Variants in MAGI3 observed in about 807,000 individuals in gnomAD.
The protein encoded by MAGI3 is membrane-associated guanylate kinase, WW and PDZ domain-containing protein 3.
MAGI3 carries 43 observed loss-of-function variants against 121.8 expected under a neutral mutation model. The ratio of observed to expected loss-of-function variants is 0.35; its 90% CI spans 0.28 to 0.46. The LOEUF (loss-of-function observed/expected upper bound fraction) is 0.46, where lower values mean the gene tolerates loss of function less well. Among genes scored for constraint, MAGI3 ranks in the 20% least tolerant of loss-of-function variants. The probability of loss-of-function intolerance (pLI) is 1.00; values close to 1 mark genes in which losing one functional copy is unlikely to be tolerated. For missense variants in MAGI3, 1,547 were observed against 1,797.3 expected, an observed-to-expected ratio of 0.86 and a Z score of 2.52; for synonymous variants, 553 against 639.3, an observed-to-expected ratio of 0.86 and a Z score of 2.04.
chr1:113,540,395 A>C (rs1659232759), intron 1 of MAGI3, among the ~76,000 whole-genome samples: 1 of 152,156 alleles, frequency 6.6e-6, no homozygotes, highest in African/African-American at 2.4e-5. Flanking sequence ...TGGGGAGGAG[A>C]GATGAAAAGA....
At chr1:113,424,054 G>A (rs1393010296) in intron 1 of MAGI3, among the ~76,000 whole-genome samples, 1 of 152,186 alleles carries the variant, frequency 6.6e-6, no homozygotes. Flanking sequence ...AGGATACCCA[G>A]TCTGGAGCTG....
intron 1 of MAGI3, among the ~76,000 whole-genome samples, chr1:113,486,950 A>T (rs1445428889): frequency 6.6e-6 from 1 of 152,284 alleles, no homozygotes; most frequent in African/African-American, 2.4e-5. Flanking sequence ...GCCTCAAGCA[A>T]TACTCCTGCC....
intron 2 of MAGI3, among the ~76,000 whole-genome samples, chr1:113,562,702 G>A (rs867277021): frequency 1.3e-5 from 2 of 152,300 alleles, no homozygotes; most frequent in South Asian, 4.1e-4. Flanking sequence ...GCGGGTGGGA[G>A]GAAGGACAGC....
chr1:113,654,982 G>A (rs948329327), intron 15 of MAGI3, among the ~76,000 whole-genome samples: 3 of 152,122 alleles, frequency 2.0e-5, no homozygotes, highest in Admixed American at 6.6e-5. Context: ...AAAATTAATG[G>A]AAATGTATAA....
chr1:113,485,712 G>A (rs968681757), intron 1 of MAGI3, among the ~76,000 whole-genome samples: 4 of 152,058 alleles, frequency 2.6e-5, no homozygotes, highest in Non-Finnish European at 4.4e-5. Context: ...ATTTGCTTTC[G>A]GGTTCTTAGT....
At chr1:113,580,426 G>A (rs1398249087) in intron 2 of MAGI3, 116 bp from the exon 3 acceptor site, 13 of 811,742 alleles carry the variant, frequency 1.6e-5, no homozygotes, top group East Asian at 5.9e-5. Context: ...TAAAGTTGGG[G>A]CAGGGGAATG....
At chr1:113,679,310 G>A (rs1466840100) in intron 19 of MAGI3, among the ~76,000 whole-genome samples, 2 of 151,994 alleles carry the variant, frequency 1.3e-5, no homozygotes, top group African/African-American at 2.4e-5. Flanking sequence ...GTGTCCATGT[G>A]TACTCAGTGT....
chr1:113,547,226 A>C lies in MAGI3; in HGVS notation c.317-2289A>C, dbSNP rs192247806. 8.5e-5 allele frequency among the ~76,000 whole-genome samples: 13 copies of C among 152,238 alleles called. No homozygotes were observed. In the East Asian group the frequency reaches 2.5e-3, roughly 29 times the overall value. ...TTGTTATTTTATAGATTAAAATGCA[A>C]TCTGAGTTTTTAGCATTTTATAGTT... On this transcript the variant is annotated intron_variant, in intron 1 of 20. Transcript: ENST00000307546.
At chr1:113,534,716 G>C (rs998788955) in intron 1 of MAGI3, among the ~76,000 whole-genome samples, 4 of 152,142 alleles carry the variant, frequency 2.6e-5, no homozygotes, top group African/African-American at 9.7e-5. Context: ...GCCTAGCATA[G>C]TGCTTGGTAT....
At chr1:113,496,380 A>G (rs942947927) in intron 1 of MAGI3, among the ~76,000 whole-genome samples, 3 of 152,164 alleles carry the variant, frequency 2.0e-5, no homozygotes, top group Admixed American at 1.3e-4. Flanking sequence ...GGGAATGCCA[A>G]TTGATAGATG....
intron 2 of MAGI3, among the ~76,000 whole-genome samples, chr1:113,557,581 G>A (rs1183677860): frequency 2.0e-5 from 3 of 152,212 alleles, no homozygotes; most frequent in Admixed American, 6.5e-5. Flanking sequence ...TTCTCCCTGG[G>A]ACAGAGTGCC....
At position 113,685,638 on chromosome 1, in the gene MAGI3, AT is replaced by A. The variant is rs1240760842; in HGVS notation, c.*1626del. On this transcript the variant is annotated 3_prime_UTR_variant, in exon 21 of 21. Transcript: ENST00000307546. ...GAATTTAGTACCACAGAAATTATTTATTATTTTCCCTGTAGTCCACAATTAG... is the reference window on the plus strand; with the variant it reads ...GAATTTAGTACCACAGAAATTATTTATATTTTCCCTGTAGTCCACAATTAG... 11 of 152,452 alleles carry A rather than the reference AT, an allele frequency of 7.2e-5. No homozygotes were observed. The highest frequency in any genetic ancestry group is 2.6e-4 in the African/African-American group (11 of 41,574). 9.4% of individuals were successfully genotyped at this position (152,452 alleles called of 1,614,324 possible).
At chr1:113,568,245 T>C (rs1424134970) in intron 2 of MAGI3, among the ~76,000 whole-genome samples, 1 of 152,062 alleles carries the variant, frequency 6.6e-6, no homozygotes, top group Non-Finnish European at 1.5e-5. Flanking sequence ...TGAAAGTTTA[T>C]GAAAATATTA....
Position 113,481,946 on chromosome 1 carries a change from T to G in MAGI3, c.317-67569T>G, listed in dbSNP as rs1314881807. ...GTTTAGACAAGCTCTTTCTCATTTCTCTTTCATTCTCTCTTTTTTTTTTCA... is the reference window on the plus strand; with the variant it reads ...GTTTAGACAAGCTCTTTCTCATTTCGCTTTCATTCTCTCTTTTTTTTTTCA... On this transcript the variant is annotated intron_variant, in intron 1 of 20. Coordinates refer to ENST00000307546, the MANE Select transcript of MAGI3 (RefSeq NM_001142782.2). Among the ~76,000 whole-genome samples, 3 of 151,644 alleles carry G rather than the reference T, an allele frequency of 2.0e-5. No homozygotes were observed. In the East Asian group the frequency reaches 5.8e-4, roughly 29 times the overall value.
intron 1 of MAGI3, among the ~76,000 whole-genome samples, chr1:113,505,484 G>A (rs1477253961): frequency 7.1e-6 from 1 of 139,950 alleles, no homozygotes; most frequent in African/African-American, 2.6e-5. Context: ...CCCCTGCAAT[G>A]ACAAATAAGA....
chr1:113,504,141 G>T (rs943091784), intron 1 of MAGI3, among the ~76,000 whole-genome samples: 1 of 152,002 alleles, frequency 6.6e-6, no homozygotes, highest in African/African-American at 2.4e-5. Context: ...AAGGAACTTT[G>T]ATATTTAAGT....
In MAGI3 at chr1:113,549,462, C is replaced by T. The variant is rs532655239; in HGVS notation, c.317-53C>T. ...TTACTAGCTTCTATATTTAAGTGAA[C>T]GTCTAAAAATTATGCATTTATTTTC... is the stretch of plus-strand genomic sequence containing the variant. On this transcript the variant is annotated intron_variant, in intron 1 of 20. Coordinates refer to ENST00000307546, the MANE Select transcript of MAGI3 (RefSeq NM_001142782.2). 2.2e-5 allele frequency: 21 copies of T among 954,518 alleles called. 1 individual carries two copies. The highest frequency in any genetic ancestry group is 2.0e-4 in the South Asian group (13 of 65,478). 59.1% of individuals were successfully genotyped at this position (954,518 alleles called of 1,614,324 possible). A position where few individuals can be genotyped will look rare whatever the true frequency, so the allele number is the denominator to read the frequency against.
In MAGI3 at chr1:113,660,616, A is replaced by AT. The variant is rs11363456; in HGVS notation, c.2815+1367dup. The stretch of plus-strand genomic sequence containing the variant: ...TTGACTATGATACTAGATGCTCAGC[A>AT]TTTTTTTTTTTTTTTTGAGACAGGG... On this transcript the variant is annotated intron_variant, in intron 16 of 20. Transcript: ENST00000307546. Among the ~76,000 whole-genome samples the AT allele has an allele frequency of 5.1e-3, 664 of 129,334 alleles. 11 individuals are homozygous for AT. In the East Asian group the frequency reaches 0.055, roughly 11 times the overall value. The allele number at this position is 129,334 out of a possible 152,430, so 84.8% of individuals were successfully genotyped here. A position where few individuals can be genotyped will look rare whatever the true frequency, so the allele number is the denominator to read the frequency against.
chr1:113,676,217 A>G (rs975285382), intron 19 of MAGI3, among the ~76,000 whole-genome samples: 5 of 152,222 alleles, frequency 3.3e-5, no homozygotes, highest in African/African-American at 1.2e-4. Flanking sequence ...CCTCAGATCC[A>G]CTAATCTCAG....
Sources: gnomAD v4.1 joint callset for allele counts (sites outside exome capture counted in the v4.1 genomes callset) on GRCh38, gnomAD v4.1.1 for gene constraint, MANE v1.5 for transcripts, NCBI Gene and HGNC (gene_info 2026-07-23, HGNC 2026-07-21) for gene names.